The following DLG2 variants were observed in gnomAD, a reference collection of about 807,000 sequenced individuals.
DLG2 encodes discs large MAGUK scaffold protein 2, also known as disks large homolog 2.
In DLG2, 45 loss-of-function variants were observed where a neutral mutation model predicts 132.5. The observed-to-expected ratio is 0.34, with a 90% confidence interval of 0.27 to 0.44. The LOEUF (loss-of-function observed/expected upper bound fraction) is 0.44, where lower values mean the gene tolerates loss of function less well. DLG2 is among the 20% of genes least tolerant of loss of function. The pLI, the probability that DLG2 is intolerant of heterozygous loss-of-function variation, is 1.00. For missense variants in DLG2, 1,045 were observed against 1,196.9 expected (o/e 0.87, Z 1.87); for synonymous variants, 424 against 419.6 (o/e 1.01, Z -0.13).
chr11:85,350,308 G>C (rs993622456), intron 3 of DLG2, among the ~76,000 whole-genome samples: 8 of 151,624 alleles, frequency 5.3e-5, no homozygotes, highest in Non-Finnish European at 1.0e-4. Flanking sequence ...CTGGATATTA[G>C]CCCTTTGTCA....
intron 3 of DLG2, among the ~76,000 whole-genome samples, chr11:85,464,603 C>A (rs1021739602): frequency 1.3e-5 from 2 of 152,042 alleles, no homozygotes; most frequent in African/African-American, 4.8e-5. Context: ...TCTATAGGAA[C>A]AATTGGAATA....
chr11:84,380,412 T>C (rs2154433808), intron 7 of DLG2, among the ~76,000 whole-genome samples: 1 of 152,160 alleles, frequency 6.6e-6, no homozygotes, highest in East Asian at 1.9e-4. Flanking sequence ...AGAAACAATG[T>C]TGTTGACCAC....
chr11:85,398,403 G>C (rs2087641223), intron 3 of DLG2, among the ~76,000 whole-genome samples: 1 of 152,082 alleles, frequency 6.6e-6, no homozygotes. Context: ...TCAAAAGCTA[G>C]CAGAAGGCAA....
At chr11:85,397,138 A>G (rs2087470798) in intron 3 of DLG2, among the ~76,000 whole-genome samples, 1 of 152,228 alleles carries the variant, frequency 6.6e-6, no homozygotes, top group South Asian at 2.1e-4. Context: ...ATTCTTAAAG[A>G]AAAGAGTTTT....
chr11:83,926,913 CT>C (rs1329150629), intron 15 of DLG2, among the ~76,000 whole-genome samples: 1 of 152,072 alleles, frequency 6.6e-6, no homozygotes. Flanking sequence ...TAAATAATAT[CT>C]GAAATGAATT....
intron 7 of DLG2, among the ~76,000 whole-genome samples, chr11:84,272,657 A>G (rs2097740401): frequency 6.6e-6 from 1 of 152,152 alleles, no homozygotes; most frequent in East Asian, 1.9e-4. Context: ...AAATCTAAAT[A>G]TTGCATCACT....
chr11:84,225,117 A>T (rs936719944), intron 8 of DLG2, among the ~76,000 whole-genome samples: 2 of 152,200 alleles, frequency 1.3e-5, no homozygotes, highest in Non-Finnish European at 2.9e-5. Flanking sequence ...GCCTTCTTGA[A>T]GCCATAGTCT....
chr11:83,651,714 C>T (rs770114100), intron 18 of DLG2: 6 of 339,332 alleles, frequency 1.8e-5, no homozygotes, highest in African/African-American at 8.6e-5. Flanking sequence ...AAAGAGAATG[C>T]CCTCGGAAGT....
chr11:83,576,377 A>T (rs536424063), intron 19 of DLG2, among the ~76,000 whole-genome samples: 1 of 152,282 alleles, frequency 6.6e-6, no homozygotes, highest in South Asian at 2.1e-4. Flanking sequence ...ATGACCAATA[A>T]TTTTCCAAAT....
intron 3 of DLG2, among the ~76,000 whole-genome samples, chr11:85,510,644 G>C (rs1318249928): frequency 6.6e-6 from 1 of 152,180 alleles, no homozygotes; most frequent in Non-Finnish European, 1.5e-5. Context: ...CTGGCCATCA[G>C]AGAAATGCAA....
chr11:84,597,007 G>C (rs1185545261), intron 6 of DLG2, among the ~76,000 whole-genome samples: 21 of 152,196 alleles, frequency 1.4e-4, no homozygotes. Flanking sequence ...GATCACCTGA[G>C]GTCAGGAGTT....
chr11:83,867,562 G>A (rs748304205), intron 16 of DLG2, among the ~76,000 whole-genome samples: 8 of 152,102 alleles, frequency 5.3e-5, no homozygotes, highest in Admixed American at 3.3e-4. Context: ...AGTGGATAAC[G>A]TCTATACAAG....
At chr11:83,727,790 T>C (rs1593199945) in intron 18 of DLG2, among the ~76,000 whole-genome samples, 2 of 152,232 alleles carry the variant, frequency 1.3e-5, no homozygotes, top group African/African-American at 4.8e-5. Flanking sequence ...TCGGTGATTT[T>C]AGTCAGATTA....
At chr11:85,093,666 A>T (rs2069219044) in intron 6 of DLG2, among the ~76,000 whole-genome samples, 1 of 152,176 alleles carries the variant, frequency 6.6e-6, no homozygotes, top group Non-Finnish European at 1.5e-5. Context: ...TCGATTATAA[A>T]ACCATCAGAT....
In DLG2 at chr11:84,863,684, C is replaced by G. The variant is rs1260351320; in HGVS notation, c.357+247977G>C. ...AAAAGGCAAGGAAGGAGCTTAGACT[C>G]TGATGAAGAGATAAAATGGAAAGAT... On this transcript the variant is annotated intron_variant, in intron 6 of 27. Transcript: ENST00000376104. 2.0e-5 allele frequency among the ~76,000 whole-genome samples: 3 copies of G among 152,014 alleles called. No individual in the cohort carries two copies. In the East Asian group the frequency reaches 5.8e-4, roughly 29 times the overall value.
chr11:84,768,131 TAAC>T (rs1485517905), intron 6 of DLG2, among the ~76,000 whole-genome samples: 2 of 152,186 alleles, frequency 1.3e-5, no homozygotes, highest in Non-Finnish European at 2.9e-5. Flanking sequence ...TTTCTAAGCT[TAAC>T]AACTTTCAAC....
chr11:83,551,533 A>G (rs1029096105), intron 19 of DLG2, among the ~76,000 whole-genome samples: 1 of 152,198 alleles, frequency 6.6e-6, no homozygotes, highest in East Asian at 1.9e-4. Context: ...ACATTTACAC[A>G]CCACAATATC....
chr11:84,632,605 T>G (rs997855818), intron 6 of DLG2, among the ~76,000 whole-genome samples: 5 of 152,172 alleles, frequency 3.3e-5, no homozygotes. Context: ...TTTGAAGAGT[T>G]CCAACTTCCA....
chr11:84,327,369 C>T (rs896377224), intron 7 of DLG2, among the ~76,000 whole-genome samples: 2 of 152,154 alleles, frequency 1.3e-5, no homozygotes, highest in Non-Finnish European at 2.9e-5. Context: ...AGTTGTGAGA[C>T]ACCGTGCCCA....
Sources: allele counts gnomAD v4.1 joint callset (sites outside exome capture counted in the v4.1 genomes callset), GRCh38; gene constraint gnomAD v4.1.1; transcripts MANE v1.5; gene names NCBI Gene and HGNC (gene_info 2026-07-23, HGNC 2026-07-21).